The following UBE2H variants were observed in gnomAD, a reference collection of about 807,000 sequenced individuals.
The protein encoded by UBE2H is ubiquitin conjugating enzyme E2 H, also known as ubiquitin-conjugating enzyme E2 H.
In UBE2H, 3 loss-of-function variants were observed where a neutral mutation model predicts 29.0. The ratio of observed to expected loss-of-function variants is 0.10; its 90% CI spans 0.05 to 0.27. The LOEUF is 0.27. UBE2H is among the 10% of genes least tolerant of loss of function. UBE2H has a pLI of 1.00. For synonymous variants in UBE2H, 69 were observed against 82.9 expected (o/e 0.83, Z 0.91); for missense variants, 68 against 228.2 (o/e 0.30, Z 4.52).
intron 1 of UBE2H, among the ~76,000 whole-genome samples, chr7:129,917,596 C>A (rs1300446823): frequency 1.3e-5 from 2 of 152,202 alleles, no homozygotes; most frequent in African/African-American, 4.8e-5. Context: ...TAGTTCTTTT[C>A]ATCTCAAGCA....
rs1253623989 is a variant in UBE2H at position 129,835,010 on chromosome 7, C to A, written c.479G>T (p.Gly160Val). Reference protein sequence around the residue: ...TEEALKEQEEGTGDSSSESSM... With the variant: ...TEEALKEQEEVTGDSSSESSM... ...GCTCTCCGATGAGCTGTCCCCGGTA[C>A]CCTCTTCCTGTTCTTTCAGCGCCTC... The change falls in exon 7 of 7, where the codon GGT (glycine) becomes GTT (valine). Residue 160 changes from glycine (G) to valine (V), a missense_variant. Gly to Val is a moderately radical substitution (Grantham distance 109, BLOSUM62 -3). This residue lies in a region of UBE2H where 25 missense variants were observed against 32.4 expected (regional missense o/e 0.77). Coordinates refer to ENST00000355621, the MANE Select transcript of UBE2H (RefSeq NM_003344.4). 1.9e-6 allele frequency: 3 copies of A among 1,613,966 alleles called. No homozygotes were observed. Among genetic ancestry groups the A allele is most frequent in the Non-Finnish European group, 2.5e-6 (3 of 1,180,036 alleles).
At chr7:129,910,807 G>A (rs1381709647) in intron 1 of UBE2H, among the ~76,000 whole-genome samples, 4 of 152,034 alleles carry the variant, frequency 2.6e-5, no homozygotes, top group Admixed American at 6.6e-5. Flanking sequence ...ACTTGAACCC[G>A]GGAAGCGGAG....
chr7:129,851,876 G>A (rs1422138621), intron 5 of UBE2H, among the ~76,000 whole-genome samples: 1 of 152,194 alleles, frequency 6.6e-6, no homozygotes, highest in Non-Finnish European at 1.5e-5. Context: ...AGATAAAGAA[G>A]GTTGGTTACG....
chr7:129,896,460 C>T lies in UBE2H; in HGVS notation c.54-15489G>A, dbSNP rs185472579. Among the ~76,000 whole-genome samples, 134 of 152,208 alleles carry T rather than the reference C, an allele frequency of 8.8e-4. 3 individuals carry two copies. The East Asian group carries it at 0.02, about 23-fold the overall frequency. ...TGTTGCCCAGGCTGGAGTCCAGTGG[C>T]GAGATCCCGGCTCAGCTCACGGCAG... is the stretch of plus-strand genomic sequence containing the variant. On this transcript the variant is annotated intron_variant, in intron 1 of 6. Coordinates refer to ENST00000355621, the MANE Select transcript of UBE2H (RefSeq NM_003344.4).
intron 3 of UBE2H, among the ~76,000 whole-genome samples, chr7:129,867,925 C>T (rs1046925438): frequency 2.0e-5 from 3 of 152,102 alleles, no homozygotes; most frequent in Non-Finnish European, 4.4e-5. Flanking sequence ...TAAAATCAGG[C>T]AAATTGGATG....
At chr7:129,910,755 A>G (rs1584780921) in intron 1 of UBE2H, among the ~76,000 whole-genome samples, 3 of 152,184 alleles carry the variant, frequency 2.0e-5, no homozygotes, top group Non-Finnish European at 4.4e-5. Context: ...GGTGGTGGGC[A>G]CCTATAATCC....
chr7:129,874,208 A>G (rs1157524184), intron 3 of UBE2H, among the ~76,000 whole-genome samples: 2 of 151,988 alleles, frequency 1.3e-5, no homozygotes, highest in Non-Finnish European at 2.9e-5. Flanking sequence ...AGTAAAGTAG[A>G]TATGATATGA....
chr7:129,890,246 C>A (rs1273632079), intron 1 of UBE2H, among the ~76,000 whole-genome samples: 1 of 144,874 alleles, frequency 6.9e-6, no homozygotes, highest in Non-Finnish European at 1.6e-5. Flanking sequence ...TATATACACA[C>A]GTATACATAC....
At chr7:129,929,446 CTATGACACACCATTATTT>C (rs1158934627) in intron 1 of UBE2H, among the ~76,000 whole-genome samples, 6 of 152,054 alleles carry the variant, frequency 3.9e-5, no homozygotes, top group Non-Finnish European at 8.8e-5. Context: ...TTCATTACAT[CTATGACACACCATTATTT>C]TATGACACAC....
At chr7:129,946,759 G>T (rs1807774590) in intron 1 of UBE2H, among the ~76,000 whole-genome samples, 1 of 152,158 alleles carries the variant, frequency 6.6e-6, no homozygotes, top group Admixed American at 6.5e-5. Context: ...AGGATTACAG[G>T]TGACTGGTTT....
chr7:129,857,675 A>G, intron 4 of UBE2H, 112 bp from the exon 5 acceptor site: 1 of 1,162,362 alleles, frequency 8.6e-7, no homozygotes, highest in Non-Finnish European at 1.2e-6. Flanking sequence ...ATCTGTGAAA[A>G]AAAGAATCCC....
chr7:129,940,758 C>A (rs1807624699), intron 1 of UBE2H, among the ~76,000 whole-genome samples: 1 of 152,142 alleles, frequency 6.6e-6, no homozygotes, highest in Non-Finnish European at 1.5e-5. Flanking sequence ...AACCAGACAC[C>A]TTCCCCAAGC....
At chr7:129,920,945 T>C (rs1014915706) in intron 1 of UBE2H, among the ~76,000 whole-genome samples, 1 of 151,428 alleles carries the variant, frequency 6.6e-6, no homozygotes, top group Non-Finnish European at 1.5e-5. Flanking sequence ...GGAGGATCAC[T>C]TGAGGCCAGG....
intron 3 of UBE2H, among the ~76,000 whole-genome samples, chr7:129,867,706 A>AC (rs1805935216): frequency 2.3e-5 from 2 of 88,540 alleles, no homozygotes; most frequent in Non-Finnish European, 4.6e-5. Flanking sequence ...TAATAAAAAA[A>AC]AAAAAAAAAA....
intron 5 of UBE2H, among the ~76,000 whole-genome samples, chr7:129,851,853 T>C (rs2116301474): frequency 6.6e-6 from 1 of 152,300 alleles, no homozygotes; most frequent in South Asian, 2.1e-4. Flanking sequence ...CATCTGAAGA[T>C]TTCCAAGCAG....
intron 1 of UBE2H, among the ~76,000 whole-genome samples, chr7:129,938,706 C>CAAAAAA (rs566095922): frequency 8.0e-6 from 1 of 124,776 alleles, no homozygotes; most frequent in African/African-American, 3.0e-5. Context: ...AACTTCGTCT[C>CAAAAAA]AAAAAAAAAA....
intron 1 of UBE2H, among the ~76,000 whole-genome samples, chr7:129,920,028 C>CA (rs35945331): frequency 0.063 from 9,640 of 152,208 alleles, 363 homozygotes; most frequent in Non-Finnish European, 0.091. Context: ...TGAGCACTGT[C>CA]AAAGCAGCAA....
chr7:129,930,443 C>T (rs1563050062), intron 1 of UBE2H, among the ~76,000 whole-genome samples: 1 of 150,862 alleles, frequency 6.6e-6, no homozygotes, highest in Non-Finnish European at 1.5e-5. Context: ...GGATTACAGG[C>T]GTGAGCCACC....
intron 3 of UBE2H, among the ~76,000 whole-genome samples, chr7:129,873,571 A>G (rs1410925694): frequency 1.3e-5 from 2 of 150,624 alleles, no homozygotes; most frequent in African/African-American, 2.4e-5. Context: ...AGTAGCTGGA[A>G]CTAAAGGTAT....
Sources: gnomAD v4.1 joint callset for allele counts (sites outside exome capture counted in the v4.1 genomes callset) on GRCh38, gnomAD v4.1.1 for gene constraint, gnomAD v4.1.1 regional missense constraint, MANE v1.5 for transcripts, NCBI Gene and HGNC (gene_info 2026-07-23, HGNC 2026-07-21) for gene names.